The following GRM1 variants were observed in gnomAD, a reference collection of about 807,000 sequenced individuals.
GRM1 encodes the protein glutamate metabotropic receptor 1.
A neutral mutation model predicts 90.9 loss-of-function variants in GRM1; 33 were observed. The ratio of observed to expected loss-of-function variants is 0.36; its 90% CI spans 0.28 to 0.49. The LOEUF (loss-of-function observed/expected upper bound fraction) is 0.49. Ranked by LOEUF, GRM1 falls within the 20% of genes least tolerant of loss-of-function variation. The probability of loss-of-function intolerance (pLI) is 0.99; values close to 1 mark genes in which losing one functional copy is unlikely to be tolerated. For missense variants in GRM1, 1,190 were observed against 1,534.3 expected (o/e 0.78, Z 3.75); for synonymous variants, 700 against 613.2 (o/e 1.14, Z -2.09).
intron 2 of GRM1, among the ~76,000 whole-genome samples, chr6:146,297,474 A>T (rs563368986): frequency 6.6e-6 from 1 of 151,714 alleles, no homozygotes; most frequent in African/African-American, 2.4e-5. Context: ...AGTCCAAACA[A>T]TTTTTTTTTA....
intron 1 of GRM1, among the ~76,000 whole-genome samples, chr6:146,089,672 T>C (rs1048041550): frequency 6.6e-6 from 1 of 152,154 alleles, no homozygotes; most frequent in Non-Finnish European, 1.5e-5. Context: ...GCATGTTCTT[T>C]TAAATTTTAA....
rs1347223872 is a variant in GRM1, at chr6:146,139,986, G to A, written c.701-19362G>A. On this transcript the variant is annotated intron_variant, in intron 1 of 7. Transcript: ENST00000282753. Reference sequence around the variant, plus strand: ...CCTTCCCTTCCCTCCGCTTCCCTCCGCTTCCCTCCGCTTCCCTCCCCTCCC... The same window carrying A: ...CCTTCCCTTCCCTCCGCTTCCCTCCACTTCCCTCCGCTTCCCTCCCCTCCC... 1.4e-4 allele frequency among the ~76,000 whole-genome samples: 12 copies of A among 87,708 alleles called. No homozygotes were observed. In the South Asian group the frequency reaches 3.9e-3, roughly 29 times the overall value. The allele number at this position is 87,708 out of a possible 152,430, so 57.5% of individuals were successfully genotyped here. A position where few individuals can be genotyped will look rare whatever the true frequency, so the allele number is the denominator to read the frequency against.
chr6:146,323,926 G>T (rs1264277744), intron 3 of GRM1, among the ~76,000 whole-genome samples: 1 of 152,112 alleles, frequency 6.6e-6, no homozygotes, highest in Non-Finnish European at 1.5e-5. Flanking sequence ...ATTTCTGAGG[G>T]CTCTGTTCTG....
At chr6:146,326,533 C>A (rs1784406532) in intron 3 of GRM1, among the ~76,000 whole-genome samples, 1 of 151,838 alleles carries the variant, frequency 6.6e-6, no homozygotes, top group Non-Finnish European at 1.5e-5. Flanking sequence ...GTACAATAAA[C>A]CCCCAGAACA....
intron 2 of GRM1, among the ~76,000 whole-genome samples, chr6:146,224,182 A>T (rs1376229794): frequency 6.6e-6 from 1 of 152,144 alleles, no homozygotes; most frequent in African/African-American, 2.4e-5. Context: ...CTGATTACAG[A>T]TAAAACTTTC....
chr6:146,328,945 T>C (rs1022425842), intron 3 of GRM1, among the ~76,000 whole-genome samples: 1 of 152,194 alleles, frequency 6.6e-6, no homozygotes, highest in African/African-American at 2.4e-5. Flanking sequence ...GGGCAGGCTA[T>C]GCCAGTGGCG....
chr6:146,298,896 G>T (rs1783276594), intron 2 of GRM1, among the ~76,000 whole-genome samples: 6 of 152,106 alleles, frequency 3.9e-5, no homozygotes, highest in African/African-American at 1.4e-4. Flanking sequence ...AAAAATTTAG[G>T]TATCAAATAT....
chr6:146,221,875 T>A (rs1026987393), intron 2 of GRM1, among the ~76,000 whole-genome samples: 3 of 152,174 alleles, frequency 2.0e-5, no homozygotes, highest in Non-Finnish European at 4.4e-5. Flanking sequence ...CTTACAGACA[T>A]TGAAATTTGT....
At chr6:146,356,756 C>T (rs1302456720) in intron 4 of GRM1, among the ~76,000 whole-genome samples, 1 of 152,062 alleles carries the variant, frequency 6.6e-6, no homozygotes, top group Non-Finnish European at 1.5e-5. Context: ...GATGTTAGAT[C>T]TTGCGTTCTT....
At chr6:146,241,361 C>T (rs1485720885) in intron 2 of GRM1, among the ~76,000 whole-genome samples, 1 of 152,082 alleles carries the variant, frequency 6.6e-6, no homozygotes, top group Admixed American at 6.6e-5. Context: ...TTGCCTCTAC[C>T]TTTGAGGAGT....
chr6:146,189,152 A>G (rs1422276665), intron 2 of GRM1, among the ~76,000 whole-genome samples: 1 of 152,148 alleles, frequency 6.6e-6, no homozygotes, highest in East Asian at 1.9e-4. Flanking sequence ...TTAATTGTTG[A>G]TTTTTTCCCT....
At chr6:146,380,657 T>C (rs898517866) in intron 5 of GRM1, among the ~76,000 whole-genome samples, 4 of 152,004 alleles carry the variant, frequency 2.6e-5, no homozygotes, top group African/African-American at 9.7e-5. Flanking sequence ...ACAAAGCCCC[T>C]TTTTCTTTCC....
intron 1 of GRM1, among the ~76,000 whole-genome samples, chr6:146,062,878 A>G (rs1775722721): frequency 6.6e-6 from 1 of 152,144 alleles, no homozygotes; most frequent in Admixed American, 6.6e-5. Context: ...AATTTATTTT[A>G]TATTTCTTCA....
chr6:146,271,756 C>T (rs563010779), intron 2 of GRM1, among the ~76,000 whole-genome samples: 2 of 152,292 alleles, frequency 1.3e-5, no homozygotes, highest in African/African-American at 4.8e-5. Context: ...GAGGACAGTC[C>T]ACTAAATGGC....
chr6:146,104,546 G>A (rs1315305385), intron 1 of GRM1, among the ~76,000 whole-genome samples: 3 of 152,186 alleles, frequency 2.0e-5, no homozygotes, highest in Non-Finnish European at 2.9e-5. Flanking sequence ...CATATGGGGG[G>A]GCATTAAGGA....
In GRM1 at chr6:146,418,136, A is replaced by C. The variant is rs901571779; in HGVS notation, c.2661-15736A>C. 1.1e-4 allele frequency among the ~76,000 whole-genome samples: 16 copies of C among 152,176 alleles called. 1 individual carries two copies. Among genetic ancestry groups the C allele is most frequent in the Non-Finnish European group, 4.4e-5 (3 of 67,992 alleles). ...AGCTTCAGTAGTAATTAACTTAAAA[A>C]TATTAGTACTGTGCCAAATTCTGTC... On this transcript the variant is annotated intron_variant, in intron 7 of 7. Coordinates refer to ENST00000282753, the MANE Select transcript of GRM1 (RefSeq NM_001278064.2).
Position 146,042,651 on chromosome 6 carries a change from C to T in GRM1, c.700+12434C>T, listed in dbSNP as rs189495075. Among the ~76,000 whole-genome samples the T allele has an allele frequency of 6.4e-4, 98 of 152,050 alleles. No homozygotes were observed. In the Middle Eastern group the frequency reaches 0.014, roughly 21 times the overall value. On this transcript the variant is annotated intron_variant, in intron 1 of 7. Transcript: ENST00000282753. Reference sequence around the variant, plus strand: ...GAGGGAAATGGAAAGAGAGAAGAAACAGGTCAAATACAAATAGAGCATATT... The same window carrying T: ...GAGGGAAATGGAAAGAGAGAAGAAATAGGTCAAATACAAATAGAGCATATT...
intron 2 of GRM1, among the ~76,000 whole-genome samples, chr6:146,203,094 T>C (rs1332670494): frequency 6.6e-6 from 1 of 151,908 alleles, no homozygotes; most frequent in Non-Finnish European, 1.5e-5. Context: ...CTGGGGAGGC[T>C]GAGGCAGGAG....
chr6:146,055,130 C>T (rs1315438520), intron 1 of GRM1, among the ~76,000 whole-genome samples: 1 of 152,004 alleles, frequency 6.6e-6, no homozygotes, highest in African/African-American at 2.4e-5. Context: ...TTTTTTAAAA[C>T]ATGTTGAATA....
Sources: allele counts gnomAD v4.1 joint callset (sites outside exome capture counted in the v4.1 genomes callset), GRCh38; gene constraint gnomAD v4.1.1; transcripts MANE v1.5; gene names NCBI Gene and HGNC (gene_info 2026-07-23, HGNC 2026-07-21).